Variants in ZBTB40 observed in about 807,000 individuals in gnomAD.
ZBTB40 encodes zinc finger and BTB domain containing 40.
ZBTB40 carries 60 observed loss-of-function variants against 117.5 expected under a neutral mutation model. That is an observed-to-expected ratio of 0.51 (90% confidence interval 0.41 to 0.63). ZBTB40 has a LOEUF of 0.63. ZBTB40 is among the 30% of genes least tolerant of loss of function. The pLI is 0.00. For synonymous variants in ZBTB40, 525 were observed against 577.1 expected (o/e 0.91, Z 1.29); for missense variants, 1,287 against 1,498.5 (o/e 0.86, Z 2.33).
chr1:22,512,741 G>A (rs527961073), intron 11 of ZBTB40, among the ~76,000 whole-genome samples, 183 bp from the exon 12 acceptor site: 4 of 152,334 alleles, frequency 2.6e-5, no homozygotes, highest in South Asian at 2.1e-4. Flanking sequence ...GGGGATGCCA[G>A]TTGGTGGGTA....
At chr1:22,479,345 G>A (rs1180461274) in intron 1 of ZBTB40, among the ~76,000 whole-genome samples, 1 of 151,910 alleles carries the variant, frequency 6.6e-6, no homozygotes, top group Non-Finnish European at 1.5e-5. Context: ...CTTCTTTCTG[G>A]TTCAGTTTCC....
At chr1:22,439,693 T>G (rs1283615570) in intron 1 of ZBTB40, among the ~76,000 whole-genome samples, 3 of 152,232 alleles carry the variant, frequency 2.0e-5, no homozygotes, top group Non-Finnish European at 4.4e-5. Context: ...CATTAGTGTT[T>G]GTGTCTTTCT....
Position 22,481,763 on chromosome 1 carries a change from C to T in ZBTB40, c.-69-8117C>T, listed in dbSNP as rs7526298. 7.9e-4 allele frequency among the ~76,000 whole-genome samples: 89 copies of T among 112,424 alleles called. 1 individual carries two copies. The highest frequency in any genetic ancestry group is 2.8e-3 in the African/African-American group (78 of 28,310). The allele number at this position is 112,424 out of a possible 152,430, so 73.8% of individuals were successfully genotyped here. A position where few individuals can be genotyped will look rare whatever the true frequency, so the allele number is the denominator to read the frequency against. On this transcript the variant is annotated intron_variant, in intron 1 of 17. Coordinates refer to ENST00000375647, the MANE Select transcript of ZBTB40 (RefSeq NM_014870.4). ...GTAAGTCTTTTGGTTTACTGTAATC[C>T]GTAAGACTTATGTCTTGTTTTACCA...
rs374357053 is a variant in ZBTB40 at position 22,524,215 on chromosome 1, C to T, written c.3299-3C>T. ...CCTCCCCTTCTGTCTCCCTCTCCTC[C>T]AGGGTCCCAGCCATTCCGGTGCTTG... On this transcript the variant is annotated splice_region_variant and splice_polypyrimidine_tract_variant and intron_variant, in intron 16 of 17. Transcript: ENST00000375647. 84 of 1,614,038 alleles carry T rather than the reference C, an allele frequency of 5.2e-5. No individual in the cohort carries two copies. The highest frequency in any genetic ancestry group is 6.9e-5 in the Non-Finnish European group (81 of 1,180,034).
chr1:22,523,598 A>G (rs752768037), intron 16 of ZBTB40, among the ~76,000 whole-genome samples: 3 of 152,226 alleles, frequency 2.0e-5, no homozygotes, highest in Non-Finnish European at 2.9e-5. Flanking sequence ...CTTGAGCGTT[A>G]TGTAAAACTA....
intron 1 of ZBTB40, among the ~76,000 whole-genome samples, chr1:22,460,254 ACT>A (rs972941304): frequency 5.3e-5 from 8 of 151,914 alleles, no homozygotes; most frequent in Non-Finnish European, 1.2e-4. Flanking sequence ...AGCCCGTTAG[ACT>A]CTATTTGGAA....
intron 13 of ZBTB40, 107 bp downstream of exon 13, chr1:22,517,571 G>T (rs1018983708): frequency 8.1e-6 from 11 of 1,365,300 alleles, no homozygotes; most frequent in Non-Finnish European, 1.1e-5. Context: ...TCCATTCAGT[G>T]CATTCCCCTT....
chr1:22,465,778 T>G (rs548716477), intron 1 of ZBTB40, among the ~76,000 whole-genome samples: 1 of 152,134 alleles, frequency 6.6e-6, no homozygotes, highest in African/African-American at 2.4e-5. Flanking sequence ...AGCTGCCCCA[T>G]GGGGGGCAGG....
At chr1:22,511,583 T>C in intron 10 of ZBTB40, 93 bp from the exon 11 acceptor site, 1 of 1,391,966 alleles carries the variant, frequency 7.2e-7, no homozygotes, top group Non-Finnish European at 9.8e-7. Context: ...TCTCAAGTAG[T>C]CTCTAGTCTC....
At chr1:22,467,269 A>T (rs1641279240) in intron 1 of ZBTB40, among the ~76,000 whole-genome samples, 2 of 152,180 alleles carry the variant, frequency 1.3e-5, no homozygotes, top group South Asian at 4.1e-4. Context: ...CTGGTAAAAC[A>T]TTCAAGCAGT....
intron 9 of ZBTB40, 137 bp downstream of exon 9, chr1:22,509,370 A>G (rs955747808): frequency 3.1e-6 from 4 of 1,309,028 alleles, no homozygotes; most frequent in Non-Finnish European, 4.3e-6. Context: ...CTTTTGAGAC[A>G]GAGTCTTGCT....
intron 1 of ZBTB40, among the ~76,000 whole-genome samples, chr1:22,487,802 A>G (rs1015917773): frequency 2.6e-5 from 4 of 152,096 alleles, no homozygotes; most frequent in African/African-American, 9.7e-5. Flanking sequence ...CAAATGCCTC[A>G]ATGGCTGCTC....
intron 17 of ZBTB40, among the ~76,000 whole-genome samples, chr1:22,525,081 G>A (rs1030912288): frequency 6.6e-6 from 1 of 152,160 alleles, no homozygotes; most frequent in East Asian, 1.9e-4. Flanking sequence ...AGACTGTCCC[G>A]CTGTCCAGTT....
chr1:22,521,584 T>A lies in ZBTB40; in HGVS notation c.3137T>A (p.Leu1046His), dbSNP rs1448476738. 1 of 1,614,108 alleles carries A rather than the reference T, an allele frequency of 6.2e-7. No individual in the cohort carries two copies. Among genetic ancestry groups the A allele is most frequent in the Admixed American group, 1.7e-5 (1 of 60,016 alleles). The change falls in exon 15 of 18, where the codon CTC (leucine) becomes CAC (histidine). Residue 1046 changes from leucine to histidine, a missense_variant. Coordinates refer to ENST00000375647, the MANE Select transcript of ZBTB40 (RefSeq NM_014870.4). The stretch of plus-strand genomic sequence containing the variant: ...CACCGATCTTCCAAGTTCTCATCAC[T>A]CCAGTGCAGCTCCTGTGACAAAACC... ...QNHRSSKFSS[L>H]QCSSCDKTFP...
chr1:22,485,334 A>G lies in ZBTB40; in HGVS notation c.-69-4546A>G, dbSNP rs556039269. 1.5e-4 allele frequency among the ~76,000 whole-genome samples: 23 copies of G among 152,296 alleles called. No individual in the cohort carries two copies. In the South Asian group the frequency reaches 4.8e-3, roughly 32 times the overall value. On this transcript the variant is annotated intron_variant, in intron 1 of 17. Transcript: ENST00000375647. Reference sequence around the variant, plus strand: ...CACCTACTTTAATAGATATAGGCCTATTCAGATAGTCTATTGCTGCGTGTG... The same window carrying G: ...CACCTACTTTAATAGATATAGGCCTGTTCAGATAGTCTATTGCTGCGTGTG...
upstream of ZBTB40, among the ~76,000 whole-genome samples, chr1:22,450,830 A>G (rs1034325747): frequency 1.3e-5 from 2 of 152,176 alleles, no homozygotes; most frequent in African/African-American, 2.4e-5. Context: ...GAATATTGAC[A>G]TTGCAGATGG....
chr1:22,434,613 G>A (rs1640647024), intron 1 of ZBTB40, among the ~76,000 whole-genome samples: 1 of 152,058 alleles, frequency 6.6e-6, no homozygotes, highest in Non-Finnish European at 1.5e-5. Flanking sequence ...AAGATGTGAG[G>A]TATAGATAAA....
At chr1:22,433,432 CAA>C (rs767913519) in intron 1 of ZBTB40, among the ~76,000 whole-genome samples, 1,276 of 8,694 alleles carry the variant, frequency 0.15, 13 homozygotes, top group African/African-American at 0.28. Flanking sequence ...GACGCCCTCT[CAA>C]AAAAAAAAAA....
chr1:22,524,851 C>CCT (rs1350166414), intron 17 of ZBTB40, among the ~76,000 whole-genome samples: 2 of 152,214 alleles, frequency 1.3e-5, no homozygotes, highest in Non-Finnish European at 2.9e-5. Flanking sequence ...CACACCTGGG[C>CCT]CTCTCACCTT....
Sources: allele counts gnomAD v4.1 joint callset (sites outside exome capture counted in the v4.1 genomes callset), GRCh38; gene constraint gnomAD v4.1.1; transcripts MANE v1.5; gene names NCBI Gene and HGNC (gene_info 2026-07-23, HGNC 2026-07-21).